Variants in FMN1 observed in about 807,000 individuals in gnomAD.
The protein encoded by FMN1 is formin 1, also known as formin-1.
A neutral mutation model predicts 132.4 loss-of-function variants in FMN1; 110 were observed. The observed-to-expected ratio is 0.83, with a 90% confidence interval of 0.71 to 0.97. The LOEUF (loss-of-function observed/expected upper bound fraction) is 0.97, where lower values mean the gene tolerates loss of function less well. Ranked by LOEUF, FMN1 falls within the 50% of genes least tolerant of loss-of-function variation. FMN1 has a pLI of 0.00. For missense variants in FMN1, 1,792 were observed against 1,705.3 expected, an observed-to-expected ratio of 1.05 and a Z score of -0.90; for synonymous variants, 722 against 651.7, an observed-to-expected ratio of 1.11 and a Z score of -1.64.
At chr15:33,027,727 A>C (rs1371111602) in intron 6 of FMN1, among the ~76,000 whole-genome samples, 1 of 152,216 alleles carries the variant, frequency 6.6e-6, no homozygotes, top group African/African-American at 2.4e-5. Context: ...GAACGGGATA[A>C]ACAATAAAAG....
chr15:33,030,694 T>C (rs1230770780), intron 6 of FMN1, among the ~76,000 whole-genome samples: 20 of 152,206 alleles, frequency 1.3e-4, no homozygotes, highest in Admixed American at 1.3e-3. Flanking sequence ...GAAAAGAAAG[T>C]AAAACTGCTG....
chr15:33,098,017 A>T (rs1015378162), intron 4 of FMN1, among the ~76,000 whole-genome samples: 1 of 152,234 alleles, frequency 6.6e-6, no homozygotes, highest in Non-Finnish European at 1.5e-5. Flanking sequence ...ACAAGTCTCA[A>T]TGAATTTAAA....
chr15:32,858,174 CT>C (rs2141296981), intron 16 of FMN1, among the ~76,000 whole-genome samples: 1 of 152,286 alleles, frequency 6.6e-6, no homozygotes, highest in South Asian at 2.1e-4. Context: ...GGAAGGAGAT[CT>C]TTATTTACAT....
At chr15:32,991,865 A>G (rs1596414383) in intron 7 of FMN1, among the ~76,000 whole-genome samples, 1 of 152,182 alleles carries the variant, frequency 6.6e-6, no homozygotes, top group African/African-American at 2.4e-5. Context: ...TCTACGAACA[A>G]GAGAACAACC....
chr15:32,766,310 G>C lies in FMN1; in HGVS notation c.*8000C>G, dbSNP rs983779727. 3.3e-5 allele frequency: 5 copies of C among 152,194 alleles called. No homozygotes were observed. Among genetic ancestry groups the C allele is most frequent in the African/African-American group, 4.8e-5 (2 of 41,448 alleles). The allele number at this position is 152,194 out of a possible 1,614,324, so 9.4% of individuals were successfully genotyped here. A position where few individuals can be genotyped will look rare whatever the true frequency, so the allele number is the denominator to read the frequency against. On this transcript the variant is annotated 3_prime_UTR_variant, in exon 21 of 21. Coordinates refer to ENST00000616417, the MANE Select transcript of FMN1 (RefSeq NM_001277313.2). ...GTAGATGTTTGAATCATGAATAGTA[G>C]TAAGAATGGAGCGGCAATAAAAATC...
At chr15:32,899,920 T>G in intron 14 of FMN1, 59 bp downstream of exon 14, 1 of 1,541,884 alleles carries the variant, frequency 6.5e-7, no homozygotes, top group Non-Finnish European at 8.8e-7. Context: ...TTTTTAAAAT[T>G]AAAGGTAAAG....
rs944320794 is a variant in FMN1, at chr15:32,770,046, G to C, written c.*4264C>G. The C allele has an allele frequency of 2.6e-5, 4 of 152,176 alleles. No homozygotes were observed. Among genetic ancestry groups the C allele is most frequent in the African/African-American group, 9.7e-5 (4 of 41,444 alleles). 9.4% of individuals were successfully genotyped at this position (152,176 alleles called of 1,614,324 possible). ...ATTTAATATTTGGATCAGATATGTG[G>C]GAGGGGGGAAGGCTATATATTTTTG... On this transcript the variant is annotated 3_prime_UTR_variant, in exon 21 of 21. Transcript: ENST00000616417.
intron 15 of FMN1, among the ~76,000 whole-genome samples, chr15:32,889,891 A>G (rs1423599063): frequency 6.6e-6 from 1 of 151,960 alleles, no homozygotes; most frequent in Non-Finnish European, 1.5e-5. Context: ...TATACACTGC[A>G]CCCTCTTTGT....
chr15:32,801,165 T>C (rs1485168268), intron 18 of FMN1, among the ~76,000 whole-genome samples: 1 of 152,190 alleles, frequency 6.6e-6, no homozygotes, highest in Non-Finnish European at 1.5e-5. Flanking sequence ...ATTTGGTGGT[T>C]GTTGCACAGC....
intron 10 of FMN1, among the ~76,000 whole-genome samples, chr15:32,921,560 T>C (rs1218132339): frequency 6.6e-6 from 1 of 152,208 alleles, no homozygotes; most frequent in African/African-American, 2.4e-5. Context: ...TATAAACATT[T>C]CTTGTGATGC....
chr15:33,179,137 A>G (rs1463121798), intron 3 of FMN1, among the ~76,000 whole-genome samples: 1 of 152,204 alleles, frequency 6.6e-6, no homozygotes, highest in East Asian at 1.9e-4. Flanking sequence ...TTGGCTTTCC[A>G]CCATTAGAAC....
chr15:33,051,787 T>C (rs550873204), intron 6 of FMN1, among the ~76,000 whole-genome samples: 1 of 152,284 alleles, frequency 6.6e-6, no homozygotes, highest in South Asian at 2.1e-4. Flanking sequence ...CTGCACATGC[T>C]GATAGCCCAC....
intron 9 of FMN1, among the ~76,000 whole-genome samples, chr15:32,936,773 G>A (rs1002824317): frequency 5.9e-5 from 9 of 152,052 alleles, no homozygotes; most frequent in Non-Finnish European, 7.4e-5. Context: ...AAGAGGAGGA[G>A]GAAGCAGAGG....
chr15:33,003,787 C>T (rs1052308868), intron 7 of FMN1, among the ~76,000 whole-genome samples: 49 of 152,204 alleles, frequency 3.2e-4, no homozygotes, highest in Admixed American at 5.9e-4. Context: ...TACCTGACTT[C>T]AAACTACACT....
chr15:33,078,533 A>C (rs924241461), intron 5 of FMN1, among the ~76,000 whole-genome samples: 15 of 152,164 alleles, frequency 9.9e-5, no homozygotes, highest in Non-Finnish European at 1.8e-4. Flanking sequence ...AAGGAAGTTT[A>C]TGATGTTCCT....
intron 17 of FMN1, among the ~76,000 whole-genome samples, chr15:32,839,824 T>C (rs1395601742): frequency 1.3e-5 from 2 of 151,414 alleles, no homozygotes; most frequent in Non-Finnish European, 2.9e-5. Context: ...GGCAGCAACT[T>C]AGTCATGAAA....
chr15:33,023,187 C>A (rs900537622), intron 6 of FMN1, among the ~76,000 whole-genome samples: 1 of 150,168 alleles, frequency 6.7e-6, no homozygotes, highest in Admixed American at 6.6e-5. Context: ...ATTATAAGAG[C>A]GACTTAGTCT....
At chr15:32,876,833 GCT>G (rs1348378756) in intron 16 of FMN1, among the ~76,000 whole-genome samples, 1 of 152,164 alleles carries the variant, frequency 6.6e-6, no homozygotes, top group Non-Finnish European at 1.5e-5. Flanking sequence ...TCAAGTAAAA[GCT>G]TCATCCCTGC....
intron 4 of FMN1, among the ~76,000 whole-genome samples, chr15:33,111,355 G>A (rs1040493017): frequency 5.9e-5 from 9 of 152,082 alleles, no homozygotes; most frequent in African/African-American, 2.2e-4. Flanking sequence ...GAAGAAGTTG[G>A]GACTCTCACA....
Sources: gnomAD v4.1 joint callset for allele counts (sites outside exome capture counted in the v4.1 genomes callset) on GRCh38, gnomAD v4.1.1 for gene constraint, MANE v1.5 for transcripts, NCBI Gene and HGNC (gene_info 2026-07-23, HGNC 2026-07-21) for gene names.